The following NSMAF variants were observed in gnomAD, a reference collection of about 807,000 sequenced individuals.
NSMAF encodes protein FAN.
In NSMAF, 90 loss-of-function variants were observed where a neutral mutation model predicts 134.9. The ratio of observed to expected loss-of-function variants is 0.67; its 90% CI spans 0.56 to 0.79. The LOEUF is 0.79. Ranked by LOEUF, NSMAF falls within the 30% of genes least tolerant of loss-of-function variation. The pLI is 0.00. For missense variants in NSMAF, 1,010 were observed against 1,119.0 expected (o/e 0.90, Z 1.39); for synonymous variants, 358 against 389.6 (o/e 0.92, Z 0.96).
rs184701190 is a variant in NSMAF, at chr8:58,642,164, A to G, written c.149+820T>C. Among the ~76,000 whole-genome samples the G allele has an allele frequency of 3.5e-4, 54 of 152,224 alleles. 1 individual carries two copies. The highest frequency in any genetic ancestry group is 3.4e-3 in the Admixed American group (52 of 15,302). On this transcript the variant is annotated intron_variant, in intron 2 of 30. Transcript: ENST00000038176. ...TAGCTTGTATTTAAACAAATACCAC[A>G]TGTTTTTGATCCGTTAAGGATAAAC...
intron 6 of NSMAF, among the ~76,000 whole-genome samples, chr8:58,626,287 G>GC (rs140849154): frequency 0.32 from 47,105 of 145,556 alleles, 7,718 homozygotes; most frequent in Non-Finnish European, 0.36. Context: ...AGTAGAGACA[G>GC]GTTTCACAGT....
chr8:58,631,388 A>G (rs1807054499), intron 6 of NSMAF, 108 bp downstream of exon 6: 1 of 580,140 alleles, frequency 1.7e-6, no homozygotes, highest in African/African-American at 2.0e-5. Context: ...GAAGCTTTTA[A>G]ATACTCATTA....
chr8:58,658,881 T>C (rs1807785040), intron 1 of NSMAF, among the ~76,000 whole-genome samples: 1 of 152,218 alleles, frequency 6.6e-6, no homozygotes, highest in South Asian at 2.1e-4. Flanking sequence ...AGTGCTCCGC[T>C]GCCGCACCGC....
chr8:58,643,603 GCTCAAGTAAC>G (rs1416898499), intron 1 of NSMAF, among the ~76,000 whole-genome samples: 1 of 151,314 alleles, frequency 6.6e-6, no homozygotes, highest in African/African-American at 2.4e-5. Context: ...CGCAGTCTCA[GCTCAAGTAAC>G]CTCCACCTCC....
chr8:58,616,840 C>A (rs570932195), intron 9 of NSMAF, among the ~76,000 whole-genome samples: 3 of 151,992 alleles, frequency 2.0e-5, no homozygotes, highest in East Asian at 3.9e-4. Context: ...TGGAATCTAG[C>A]AAAAAACACT....
chr8:58,658,859 C>T (rs1229228368), intron 1 of NSMAF, among the ~76,000 whole-genome samples: 1 of 152,182 alleles, frequency 6.6e-6, no homozygotes, highest in Non-Finnish European at 1.5e-5. Flanking sequence ...TACTGGGATG[C>T]TGGTGAGAAT....
At chr8:58,609,174 AG>A (rs995191077) in intron 10 of NSMAF, among the ~76,000 whole-genome samples, 1 of 152,242 alleles carries the variant, frequency 6.6e-6, no homozygotes, top group African/African-American at 2.4e-5. Flanking sequence ...AGATCTACTG[AG>A]GTTGTTCATC....
chr8:58,659,730 G>T lies in NSMAF; in HGVS notation c.-99C>A. Reference sequence around the variant, plus strand: ...CCGGGGAGGGCGGGATTGGTGGCCGGCTGGGGAGCGCGCGGCTGCCGGCCT... The same window carrying T: ...CCGGGGAGGGCGGGATTGGTGGCCGTCTGGGGAGCGCGCGGCTGCCGGCCT... On this transcript the variant is annotated 5_prime_UTR_variant, in exon 1 of 31. Transcript: ENST00000038176. 1.0e-6 allele frequency: 1 copy of T among 962,840 alleles called. No homozygotes were observed. Among genetic ancestry groups the T allele is most frequent in the Non-Finnish European group, 1.3e-6 (1 of 740,770 alleles). The allele number at this position is 962,840 out of a possible 1,614,324, so 59.6% of individuals were successfully genotyped here. A position where few individuals can be genotyped will look rare whatever the true frequency, so the allele number is the denominator to read the frequency against.
At chr8:58,618,010 A>T (rs1806702317) in intron 9 of NSMAF, among the ~76,000 whole-genome samples, 1 of 152,166 alleles carries the variant, frequency 6.6e-6, no homozygotes, top group Non-Finnish European at 1.5e-5. Context: ...TGTCCTTTGC[A>T]GGGACATGGA....
intron 26 of NSMAF, among the ~76,000 whole-genome samples, 179 bp from the exon 27 acceptor site, chr8:58,587,880 C>A (rs952855236): frequency 2.0e-5 from 3 of 152,226 alleles, no homozygotes; most frequent in Non-Finnish European, 4.4e-5. Flanking sequence ...CCAGCATGTG[C>A]TTGCTTACTG....
At chr8:58,590,480 T>A (rs1469363636) in intron 24 of NSMAF, among the ~76,000 whole-genome samples, 2 of 152,238 alleles carry the variant, frequency 1.3e-5, no homozygotes, top group Non-Finnish European at 2.9e-5. Context: ...ATCTTTTGCA[T>A]GATTTACATT....
At position 58,590,156 on chromosome 8, in the gene NSMAF, GA is replaced by G. The variant is rs1221152645; in HGVS notation, c.2020-83del. On this transcript the variant is annotated intron_variant, in intron 24 of 30. Coordinates refer to ENST00000038176, the MANE Select transcript of NSMAF (RefSeq NM_003580.4). ...CAGTAAAGCTATCTTATACATTTCCGAAAAATTAATGCTCAAATCGTCTTTA... is the reference window on the plus strand; with the variant it reads ...CAGTAAAGCTATCTTATACATTTCCGAAAATTAATGCTCAAATCGTCTTTA... 4.1e-6 allele frequency: 5 copies of G among 1,214,566 alleles called. No individual in the cohort carries two copies. In the East Asian group the frequency reaches 1.2e-4, roughly 30 times the overall value. The allele number at this position is 1,214,566 out of a possible 1,614,324, so 75.2% of individuals were successfully genotyped here. A position where few individuals can be genotyped will look rare whatever the true frequency, so the allele number is the denominator to read the frequency against.
At chr8:58,611,061 G>A (rs983694605) in intron 9 of NSMAF, among the ~76,000 whole-genome samples, 3 of 152,096 alleles carry the variant, frequency 2.0e-5, no homozygotes, top group Middle Eastern at 3.4e-3. Context: ...TATTTAGTTC[G>A]GTCTCAACAC....
At chr8:58,629,035 C>G (rs750211700) in intron 6 of NSMAF, among the ~76,000 whole-genome samples, 1 of 152,110 alleles carries the variant, frequency 6.6e-6, no homozygotes, top group Non-Finnish European at 1.5e-5. Flanking sequence ...TGAAGTCCTC[C>G]TATGTGGAAG....
chr8:58,624,723 C>T (rs1450451898), intron 6 of NSMAF, among the ~76,000 whole-genome samples: 1 of 152,178 alleles, frequency 6.6e-6, no homozygotes, highest in South Asian at 2.1e-4. Context: ...TATTCTGCTG[C>T]TGTTGGGTAG....
At chr8:58,586,221 A>G in intron 28 of NSMAF, 1 of 620,864 alleles carries the variant, frequency 1.6e-6, no homozygotes, top group East Asian at 2.7e-5. Flanking sequence ...TTTATCTTAA[A>G]TTAATTTCTC....
At chr8:58,624,167 G>A (rs754557057) in intron 6 of NSMAF, among the ~76,000 whole-genome samples, 6 of 148,574 alleles carry the variant, frequency 4.0e-5, no homozygotes, top group South Asian at 2.2e-4. Flanking sequence ...TCAGCCTCCC[G>A]AGTAGCTGGG....
At chr8:58,624,460 T>G (rs1036814723) in intron 6 of NSMAF, among the ~76,000 whole-genome samples, 1 of 152,190 alleles carries the variant, frequency 6.6e-6, no homozygotes, top group Non-Finnish European at 1.5e-5. Flanking sequence ...TGGTATATCA[T>G]GTTTTCATTT....
Position 58,623,716 on chromosome 8 carries a change from A to G in NSMAF, c.449T>C (p.Leu150Ser). The G allele has an allele frequency of 6.2e-7, 1 of 1,613,912 alleles. No homozygotes were observed. The highest frequency in any genetic ancestry group is 8.5e-7 in the Non-Finnish European group (1 of 1,179,838). ...PGKVEDVVETLLQLHRASCLD... is the reference protein window; with the variant it reads ...PGKVEDVVETSLQLHRASCLD... ...TACCCAGCAAGTGCTTACCTGAAGC[A>G]ACGTCTCCACAACATCTTCCACTTT... Residue 150 changes from leucine (L) to serine (S), a missense_variant, in exon 7 of 31, where the codon TTG (leucine) becomes TCG (serine). Transcript: ENST00000038176.
Sources: gnomAD v4.1 joint callset for allele counts (sites outside exome capture counted in the v4.1 genomes callset) on GRCh38, gnomAD v4.1.1 for gene constraint, MANE v1.5 for transcripts, NCBI Gene and HGNC (gene_info 2026-07-23, HGNC 2026-07-21) for gene names.